The following ZSCAN26 variants were observed in gnomAD, a reference collection of about 807,000 sequenced individuals.
ZSCAN26 encodes zinc finger and SCAN domain containing 26.
A neutral mutation model predicts 23.0 loss-of-function variants in ZSCAN26; 26 were observed. That is an observed-to-expected ratio of 1.13 (90% CI 0.83 to 1.57). The LOEUF is 1.57. Ranked by LOEUF, ZSCAN26 falls within the 40% of genes most tolerant of loss-of-function variation. ZSCAN26 has a pLI of 0.00. For synonymous variants in ZSCAN26, 180 were observed against 202.5 expected (o/e 0.89, Z 0.94); for missense variants, 528 against 568.5 (o/e 0.93, Z 0.72).
At chr6:28,273,400 G>T (rs1761796050) in intron 3 of ZSCAN26, among the ~76,000 whole-genome samples, 2 of 152,116 alleles carry the variant, frequency 1.3e-5, no homozygotes, top group Admixed American at 1.3e-4. Context: ...AAATTAGCCA[G>T]GTTTGGTGGC....
intron 2 of ZSCAN26, 134 bp downstream of exon 2, chr6:28,272,473 T>G (rs1183123918): frequency 3.4e-5 from 40 of 1,187,072 alleles, no homozygotes; most frequent in Non-Finnish European, 1.2e-6. Context: ...GCTGTTAATT[T>G]CCTTAGGTCT....
At chr6:28,271,342 A>G (rs1478084560) in intron 1 of ZSCAN26, among the ~76,000 whole-genome samples, 2 of 151,314 alleles carry the variant, frequency 1.3e-5, no homozygotes, top group African/African-American at 2.4e-5. Context: ...CTTGTCTTTC[A>G]CTTGTCTTTT....
At chr6:28,276,119 T>A (rs1761917779) in intron 3 of ZSCAN26, 76 bp from the exon 4 acceptor site, 4 of 1,346,542 alleles carry the variant, frequency 3.0e-6, no homozygotes, top group Non-Finnish European at 4.1e-6. Context: ...TTATATTTTT[T>A]TTTCCTTTTA....
At position 28,277,048 on chromosome 6, in the gene ZSCAN26, A is replaced by C. The variant is rs1259883000; in HGVS notation, c.1392A>C (p.Ser464=). Residue 464 remains serine, a synonymous_variant, in exon 4 of 4, where the codon TCA becomes TCC. Transcript: ENST00000421553. ...GTGGAGAAGCCTTCAGGCAAAGGTC[A>C]GGTCTTTTTCAACATCAGAGATATC... ...SECGEAFRQR[S]GLFQHQRYHH... The C allele has an allele frequency of 6.2e-7, 1 of 1,613,956 alleles. No individual in the cohort carries two copies.
chr6:28,272,820 A>G (rs1222898152), intron 3 of ZSCAN26, 33 bp downstream of exon 3: 11 of 1,560,042 alleles, frequency 7.1e-6, no homozygotes, highest in Non-Finnish European at 9.7e-6. Flanking sequence ...TGTGTGTGAG[A>G]CGTGGTGGAC....
chr6:28,272,447 G>A, intron 2 of ZSCAN26, 108 bp downstream of exon 2: 1 of 1,342,230 alleles, frequency 7.5e-7, no homozygotes, highest in African/African-American at 1.5e-5. Flanking sequence ...CTTTGATTCA[G>A]TTTTTTTCCA....
intron 3 of ZSCAN26, among the ~76,000 whole-genome samples, chr6:28,275,679 A>G (rs1257246048): frequency 6.6e-6 from 1 of 152,218 alleles, no homozygotes; most frequent in Non-Finnish European, 1.5e-5. Context: ...GTCTTATAGT[A>G]CATTATTCTT....
At chr6:28,274,700 C>G (rs1761865214) in intron 3 of ZSCAN26, among the ~76,000 whole-genome samples, 1 of 152,148 alleles carries the variant, frequency 6.6e-6, no homozygotes. Context: ...TGTGATTGCA[C>G]CACTGTACTC....
intron 1 of ZSCAN26, among the ~76,000 whole-genome samples, chr6:28,268,969 TG>T (rs1259258305): frequency 4.0e-5 from 6 of 151,868 alleles, no homozygotes; most frequent in African/African-American, 1.5e-4. Context: ...AAAAATTAGC[TG>T]GGTGTCATGG....
rs1007277592 is a variant in ZSCAN26, at chr6:28,277,641, G to T, written c.*545G>T. The T allele has an allele frequency of 6.6e-6, 1 of 152,220 alleles. No homozygotes were observed. The highest frequency in any genetic ancestry group is 2.4e-5 in the African/African-American group (1 of 41,430). 9.4% of individuals were successfully genotyped at this position (152,220 alleles called of 1,614,324 possible). On this transcript the variant is annotated 3_prime_UTR_variant, in exon 4 of 4. Coordinates refer to ENST00000421553, the MANE Select transcript of ZSCAN26 (RefSeq NM_001023560.4). ...CTTACCCCTTCCTTCCCCAGTGGAAGCATTTTCAAAAGCAAAGATAATTTT... is the reference window on the plus strand; with the variant it reads ...CTTACCCCTTCCTTCCCCAGTGGAATCATTTTCAAAAGCAAAGATAATTTT...
At chr6:28,273,849 C>A (rs1761823937) in intron 3 of ZSCAN26, among the ~76,000 whole-genome samples, 1 of 152,014 alleles carries the variant, frequency 6.6e-6, no homozygotes, top group South Asian at 2.1e-4. Context: ...TCCCAAGTAT[C>A]TGGGACTACC....
chr6:28,273,771 A>G (rs568355503), intron 3 of ZSCAN26, among the ~76,000 whole-genome samples: 1 of 150,402 alleles, frequency 6.6e-6, no homozygotes, highest in South Asian at 2.1e-4. Context: ...AGGCTGGAGT[A>G]CAATGGTGCA....
At chr6:28,275,080 T>G (rs1761878910) in intron 3 of ZSCAN26, among the ~76,000 whole-genome samples, 1 of 152,044 alleles carries the variant, frequency 6.6e-6, no homozygotes, top group Non-Finnish European at 1.5e-5. Flanking sequence ...TCACTTTCAC[T>G]TTTCCTTTCA....
In ZSCAN26 at chr6:28,277,210, T is replaced by TGGA. The variant is rs1761988523; in HGVS notation, c.*117_*119dup. On this transcript the variant is annotated 3_prime_UTR_variant, in exon 4 of 4. Coordinates refer to ENST00000421553, the MANE Select transcript of ZSCAN26 (RefSeq NM_001023560.4). The stretch of plus-strand genomic sequence containing the variant: ...ATCAGAAAATTCTTGGGGGCTGAGT[T>TGGA]GGAGGCTCCCTGCCTCTATTCTCTC... 4 of 1,065,818 alleles carry TGGA rather than the reference T, an allele frequency of 3.8e-6. No homozygotes were observed. Among genetic ancestry groups the TGGA allele is most frequent in the Non-Finnish European group, 5.4e-6 (4 of 739,912 alleles). The allele number at this position is 1,065,818 out of a possible 1,614,324, so 66.0% of individuals were successfully genotyped here.
At chr6:28,276,153 A>T (rs956432009) in intron 3 of ZSCAN26, 42 bp from the exon 4 acceptor site, 2 of 1,521,090 alleles carry the variant, frequency 1.3e-6, no homozygotes, top group African/African-American at 2.8e-5. Context: ...TTCCCCAAGC[A>T]TCAAAAGACA....
chr6:28,272,570 CTCTT>C lies in ZSCAN26; in HGVS notation c.421-95_421-92del, dbSNP rs371790286. ...TCTTTTCTTTGCCCCTCTGGGGTTTCTCTTTCTTCTCTTTTTTAACACCTAGGTG... is the reference window on the plus strand; with the variant it reads ...TCTTTTCTTTGCCCCTCTGGGGTTTCTCTTCTCTTTTTTAACACCTAGGTG... On this transcript the variant is annotated intron_variant, in intron 2 of 3. Transcript: ENST00000421553. 1,579 of 1,108,764 alleles carry C rather than the reference CTCTT, an allele frequency of 1.4e-3. 6 individuals are homozygous for C. The highest frequency in any genetic ancestry group is 6.1e-3 in the South Asian group (369 of 60,350). 68.7% of individuals were successfully genotyped at this position (1,108,764 alleles called of 1,614,324 possible). A position where few individuals can be genotyped will look rare whatever the true frequency, so the allele number is the denominator to read the frequency against.
In ZSCAN26 at chr6:28,276,625, T is replaced by C. The variant is rs1761950897; in HGVS notation, c.969T>C (p.Asn323=). 1 of 1,612,066 alleles carries C rather than the reference T, an allele frequency of 6.2e-7. No individual in the cohort carries two copies. Among genetic ancestry groups the C allele is most frequent in the Non-Finnish European group, 8.5e-7 (1 of 1,179,084 alleles). The change falls in exon 4 of 4, where the codon AAT becomes AAC. Residue 323 remains asparagine, a synonymous_variant. Transcript: ENST00000421553. The part of the protein sequence containing the change: ...CNECGKVFSQ[N]AGLLEHLRIH... ...AGTGTGGCAAAGTCTTTAGCCAGAA[T>C]GCAGGCCTTTTGGAACATCTCAGAA... is the stretch of plus-strand genomic sequence containing the variant.
Position 28,276,410 on chromosome 6 carries a change from A to G in ZSCAN26, c.754A>G (p.Ser252Gly), listed in dbSNP as rs1410788849. ...GCACTTGGACCTGATTGAACATGCG[A>G]GTACACACACGGGAAAGAAACTCTG... ...IQHLDLIEHA[S>G]THTGKKLCES... Residue 252 changes from serine (S) to glycine (G), a missense_variant, in exon 4 of 4, where the codon AGT (serine) becomes GGT (glycine). By Grantham distance (56) the Ser-to-Gly change is moderately conservative. Transcript: ENST00000421553. 2.5e-6 allele frequency: 4 copies of G among 1,614,036 alleles called. No individual in the cohort carries two copies. Among genetic ancestry groups the G allele is most frequent in the South Asian group, 1.1e-5 (1 of 91,086 alleles).
intron 3 of ZSCAN26, 37 bp downstream of exon 3, chr6:28,272,824 G>A: frequency 1.3e-6 from 2 of 1,549,042 alleles, no homozygotes; most frequent in Non-Finnish European, 1.8e-6. Context: ...TGTGAGACGT[G>A]GTGGACTGTG....
Sources: gnomAD v4.1 joint callset for allele counts (sites outside exome capture counted in the v4.1 genomes callset) on GRCh38, gnomAD v4.1.1 for gene constraint, MANE v1.5 for transcripts, NCBI Gene and HGNC (gene_info 2026-07-23, HGNC 2026-07-21) for gene names.